RABL3: variants seen among roughly 807,000 people sequenced by gnomAD.
RABL3 encodes the protein rab-like protein 3.
Under a neutral mutation model 31.8 loss-of-function variants are expected in RABL3, and 31 were observed. The ratio of observed to expected loss-of-function variants is 0.97; its 90% CI spans 0.73 to 1.31. The LOEUF is 1.31. Among genes scored for constraint, RABL3 ranks in the 40% most tolerant of loss-of-function variants. The pLI is 0.00. For missense variants in RABL3, 263 were observed against 279.6 expected, an observed-to-expected ratio of 0.94 and a Z score of 0.42; for synonymous variants, 97 against 99.9, an observed-to-expected ratio of 0.97 and a Z score of 0.18.
chr3:120,724,356 T>G (rs1219551778), intron 2 of RABL3, among the ~76,000 whole-genome samples: 2 of 152,158 alleles, frequency 1.3e-5, no homozygotes, highest in Non-Finnish European at 2.9e-5. Flanking sequence ...ATCAATATCA[T>G]GAAAATGGCC....
chr3:120,702,792 C>T (rs1576334138), intron 4 of RABL3, among the ~76,000 whole-genome samples: 1 of 152,236 alleles, frequency 6.6e-6, no homozygotes, highest in East Asian at 1.9e-4. Flanking sequence ...CTCCTGACCT[C>T]ATGATCCGCC....
At chr3:120,708,498 G>A (rs1200099622) in intron 3 of RABL3, among the ~76,000 whole-genome samples, 1 of 151,680 alleles carries the variant, frequency 6.6e-6, no homozygotes, top group East Asian at 1.9e-4. Context: ...AATATCAAAG[G>A]TGTTATATAT....
At chr3:120,707,960 TAA>T (rs990528178) in intron 3 of RABL3, among the ~76,000 whole-genome samples, 4 of 152,084 alleles carry the variant, frequency 2.6e-5, no homozygotes, top group African/African-American at 9.7e-5. Context: ...GGGAGAGAAG[TAA>T]AGACACTTCA....
chr3:120,697,577 G>A (rs1431070667), intron 5 of RABL3, among the ~76,000 whole-genome samples: 3 of 152,174 alleles, frequency 2.0e-5, no homozygotes, highest in African/African-American at 4.8e-5. Context: ...GATCCTAACA[G>A]GCTTACATGA....
intron 2 of RABL3, among the ~76,000 whole-genome samples, chr3:120,716,795 T>C (rs1708675525): frequency 6.6e-6 from 1 of 152,176 alleles, no homozygotes; most frequent in African/African-American, 2.4e-5. Flanking sequence ...CCAAGTTATT[T>C]AGGTAAAGGC....
chr3:120,709,624 G>A (rs1260761624), intron 3 of RABL3, among the ~76,000 whole-genome samples, 156 bp downstream of exon 3: 3 of 152,010 alleles, frequency 2.0e-5, no homozygotes, highest in Non-Finnish European at 4.4e-5. Flanking sequence ...ATGTAGAAAC[G>A]CAAACTGGAA....
intron 1 of RABL3, among the ~76,000 whole-genome samples, chr3:120,737,967 G>A (rs575597385): frequency 6.6e-6 from 1 of 152,278 alleles, no homozygotes; most frequent in South Asian, 2.1e-4. Context: ...TAGGCTACTC[G>A]GGGGTCAGGG....
At chr3:120,712,264 T>C (rs1007807960) in intron 2 of RABL3, among the ~76,000 whole-genome samples, 4 of 152,104 alleles carry the variant, frequency 2.6e-5, no homozygotes, top group South Asian at 4.1e-4. Flanking sequence ...AAAATGAGAA[T>C]AGCACAGTTG....
chr3:120,706,127 G>GAC lies in RABL3; in HGVS notation c.269-14_269-13insGT, dbSNP rs1471560350. 6.6e-7 allele frequency: 1 copy of GAC among 1,505,856 alleles called. No homozygotes were observed. The highest frequency in any genetic ancestry group is 9.2e-7 in the Non-Finnish European group (1 of 1,081,966). 93.3% of individuals were successfully genotyped at this position (1,505,856 alleles called of 1,614,324 possible). On this transcript the variant is annotated splice_polypyrimidine_tract_variant and intron_variant, in intron 3 of 7. Transcript: ENST00000273375. Reference sequence around the variant, plus strand: ...ACGAAAATAATACCTAAAATAATCAGAGAAAACAATGTTAATCCCTTAACA... The same window carrying GAC: ...ACGAAAATAATACCTAAAATAATCAGACAGAAAACAATGTTAATCCCTTAACA...
intron 2 of RABL3, among the ~76,000 whole-genome samples, chr3:120,723,637 G>A (rs1227639441): frequency 6.6e-6 from 1 of 152,166 alleles, no homozygotes; most frequent in Non-Finnish European, 1.5e-5. Context: ...TGGAAGGCTG[G>A]TTCAACATAC....
At chr3:120,709,568 T>TA (rs1708588218) in intron 3 of RABL3, among the ~76,000 whole-genome samples, 2 of 142,130 alleles carry the variant, frequency 1.4e-5, no homozygotes, top group African/African-American at 5.1e-5. Context: ...GACAATAATA[T>TA]AAATAGAAAC....
At chr3:120,735,516 T>G (rs1251070320) in intron 1 of RABL3, among the ~76,000 whole-genome samples, 3 of 152,318 alleles carry the variant, frequency 2.0e-5, no homozygotes, top group South Asian at 4.1e-4. Flanking sequence ...CATTGATTTT[T>G]TGAAGGGTTT....
chr3:120,709,718 C>T, intron 3 of RABL3, 62 bp downstream of exon 3: 1 of 1,238,470 alleles, frequency 8.1e-7, no homozygotes, highest in Non-Finnish European at 1.2e-6. Context: ...TATGGCATTA[C>T]ATATCAGATG....
intron 4 of RABL3, among the ~76,000 whole-genome samples, chr3:120,702,848 C>G (rs563180815): frequency 6.6e-6 from 1 of 151,788 alleles, no homozygotes; most frequent in South Asian, 2.1e-4. Flanking sequence ...TGAGCCACCG[C>G]GCCGGGCCCA....
intron 2 of RABL3, among the ~76,000 whole-genome samples, chr3:120,714,732 ATTGC>A (rs1708649110): frequency 6.6e-6 from 1 of 152,030 alleles, no homozygotes; most frequent in Admixed American, 6.5e-5. Context: ...CAGTCCTTAT[ATTGC>A]TACTGTTTCT....
At chr3:120,738,588 G>C (rs967881558) in intron 1 of RABL3, 1 of 153,002 alleles carries the variant, frequency 6.5e-6, no homozygotes, top group African/African-American at 2.4e-5. Context: ...CTGTAGACTG[G>C]AGCTGTTCCT....
intron 2 of RABL3, among the ~76,000 whole-genome samples, chr3:120,724,494 T>A (rs12493166): frequency 0.072 from 11,012 of 152,192 alleles, 1,328 homozygotes; most frequent in East Asian, 0.46. Flanking sequence ...CATTGCCAAG[T>A]CAATCCTATG....
At position 120,732,931 on chromosome 3, in the gene RABL3, A is replaced by G. The variant is rs1217735443; in HGVS notation, c.47-2144T>C. 3.9e-4 allele frequency among the ~76,000 whole-genome samples: 59 copies of G among 152,018 alleles called. 3 individuals are homozygous for G. The highest frequency in any genetic ancestry group is 3.6e-3 in the Admixed American group (55 of 15,284). On this transcript the variant is annotated intron_variant, in intron 1 of 7. Coordinates refer to ENST00000273375, the MANE Select transcript of RABL3 (RefSeq NM_173825.5). Reference sequence around the variant, plus strand: ...GGCTGCATAGTATTCCATGGTGTATATGTGTCACATTTTCTTAATCCAGTC... The same window carrying G: ...GGCTGCATAGTATTCCATGGTGTATGTGTGTCACATTTTCTTAATCCAGTC...
rs1433559129 is a variant in RABL3 at position 120,687,768 on chromosome 3, T to G, written c.*2055A>C. ...CTGGAGTCATCAGCAATAGTTTACTTTTATTATTTATTTATATATTTATAT... is the reference window on the plus strand; with the variant it reads ...CTGGAGTCATCAGCAATAGTTTACTGTTATTATTTATTTATATATTTATAT... On this transcript the variant is annotated 3_prime_UTR_variant, in exon 8 of 8. Transcript: ENST00000273375. 1 of 151,014 alleles carries G rather than the reference T, an allele frequency of 6.6e-6. No homozygotes were observed. Among genetic ancestry groups the G allele is most frequent in the Non-Finnish European group, 1.5e-5 (1 of 67,768 alleles). The allele number at this position is 151,014 out of a possible 1,614,324, so 9.4% of individuals were successfully genotyped here.
Sources: allele counts gnomAD v4.1 joint callset (sites outside exome capture counted in the v4.1 genomes callset), GRCh38; gene constraint gnomAD v4.1.1; transcripts MANE v1.5; gene names NCBI Gene and HGNC (gene_info 2026-07-23, HGNC 2026-07-21).